The following PXDC1 variants were observed in gnomAD, a reference collection of about 807,000 sequenced individuals.
PXDC1 encodes PX domain containing 1.
Under a neutral mutation model 24.4 loss-of-function variants are expected in PXDC1, and 13 were observed. That is an observed-to-expected ratio of 0.53 (90% confidence interval 0.35 to 0.85). PXDC1 has a LOEUF of 0.85. Ranked by LOEUF, PXDC1 falls within the 40% of genes least tolerant of loss-of-function variation. PXDC1 has a pLI of 0.01. For synonymous variants in PXDC1, 162 were observed against 124.9 expected (o/e 1.30, Z -1.98); for missense variants, 344 against 309.3 (o/e 1.11, Z -0.84).
At chr6:3,750,373 G>A (rs1465705807) in intron 1 of PXDC1, among the ~76,000 whole-genome samples, 3 of 152,176 alleles carry the variant, frequency 2.0e-5, no homozygotes, top group East Asian at 1.9e-4. Flanking sequence ...CCATGGAGGG[G>A]GGTGGGACCT....
rs375808945 is a variant in PXDC1, at chr6:3,723,676, G to A, written c.639C>T (p.Tyr213=). 22 of 1,614,078 alleles carry A rather than the reference G, an allele frequency of 1.4e-5. No individual in the cohort carries two copies. The highest frequency in any genetic ancestry group is 3.3e-4 in the Middle Eastern group (2 of 6,084). The change falls in exon 5 of 5, where the codon TAC becomes TAT. Residue 213 remains tyrosine, a synonymous_variant. Transcript: ENST00000380283. ...ELEDGDDPAA[Y]VTNLSYYHLV... is the part of the protein sequence containing the mutation. Reference sequence around the variant, plus strand: ...GGTGGTAATATGACAGGTTGGTGACGTAGGCTGCTGGGTCGTCCCCGTCCT... The same window carrying A: ...GGTGGTAATATGACAGGTTGGTGACATAGGCTGCTGGGTCGTCCCCGTCCT...
rs557854747 is a variant in PXDC1, at chr6:3,725,159, C to T, written c.579-1423G>A. Among the ~76,000 whole-genome samples the T allele has an allele frequency of 6.6e-5, 10 of 152,112 alleles. No homozygotes were observed. Among genetic ancestry groups the T allele is most frequent in the Admixed American group, 1.3e-4 (2 of 15,286 alleles). ...TGGAAACCCAAGGGGGAACCTTGGG[C>T]GTGCCGAAAGGTTCAAGCCAGTCGA... On this transcript the variant is annotated intron_variant, in intron 4 of 4. Coordinates refer to ENST00000380283, the MANE Select transcript of PXDC1 (RefSeq NM_183373.4). The surrounding 1 kb of genome is among the most constrained non-coding windows in gnomAD (Gnocchi z 4.8).
At chr6:3,732,084 A>G (rs4959870) in intron 3 of PXDC1, among the ~76,000 whole-genome samples, 62,089 of 152,198 alleles carry the variant, frequency 0.41, 15,228 homozygotes, top group Non-Finnish European at 0.55. Context: ...GCATCTATCA[A>G]TCAATGGATC....
intron 1 of PXDC1, chr6:3,738,721 G>T: frequency 1.7e-6 from 2 of 1,211,748 alleles, no homozygotes; most frequent in East Asian, 5.7e-5. Context: ...CCAGGAATCT[G>T]GGCCTCTGTG....
intron 1 of PXDC1, chr6:3,738,663 A>G (rs1760383777): frequency 1.7e-6 from 1 of 582,686 alleles, no homozygotes; most frequent in Non-Finnish European, 2.7e-6. Flanking sequence ...GAAAAAAGTC[A>G]GATCTCTGCC....
chr6:3,723,584 G>C lies in PXDC1; in HGVS notation c.*35C>G. Reference sequence around the variant, plus strand: ...AGTGGACAGCATCAGAGCTGGCAGTGAACAGCTGAGGCGGGGGAGGCCTGA... The same window carrying C: ...AGTGGACAGCATCAGAGCTGGCAGTCAACAGCTGAGGCGGGGGAGGCCTGA... On this transcript the variant is annotated 3_prime_UTR_variant, in exon 5 of 5. Transcript: ENST00000380283. 6 of 1,491,952 alleles carry C rather than the reference G, an allele frequency of 4.0e-6. No individual in the cohort carries two copies. The highest frequency in any genetic ancestry group is 5.6e-6 in the Non-Finnish European group (6 of 1,069,608). The allele number at this position is 1,491,952 out of a possible 1,614,324, so 92.4% of individuals were successfully genotyped here.
At chr6:3,738,395 G>A (rs1760377058) in intron 1 of PXDC1, among the ~76,000 whole-genome samples, 1 of 152,160 alleles carries the variant, frequency 6.6e-6, no homozygotes, top group Non-Finnish European at 1.5e-5. Context: ...ATCTGAAAAG[G>A]GGATGGGAGG....
At chr6:3,734,366 A>G (rs1479055829) in intron 3 of PXDC1, among the ~76,000 whole-genome samples, 1 of 152,114 alleles carries the variant, frequency 6.6e-6, no homozygotes, top group African/African-American at 2.4e-5. Context: ...CACTAAGAGG[A>G]CTCTGCTGCT....
rs1209666889 is a variant in PXDC1 at position 3,737,059 on chromosome 6, G to A, written c.466+20C>T. 1.5e-5 allele frequency: 21 copies of A among 1,444,096 alleles called. No homozygotes were observed. The highest frequency in any genetic ancestry group is 5.7e-5 in the South Asian group (5 of 87,684). The allele number at this position is 1,444,096 out of a possible 1,614,324, so 89.5% of individuals were successfully genotyped here. On this transcript the variant is annotated intron_variant, in intron 3 of 4. Transcript: ENST00000380283. This position sits in a 1 kb window ranked among gnomAD's most constrained non-coding sequence, Gnocchi z 5.5. ...CTCAACAGCAGTCCCTCCCACCAAC[G>A]CCTCCTTTGTGGCTCTTACCTGATA...
At chr6:3,742,350 T>C (rs1390742143) in intron 1 of PXDC1, among the ~76,000 whole-genome samples, 2 of 152,342 alleles carry the variant, frequency 1.3e-5, no homozygotes, top group East Asian at 3.9e-4. Flanking sequence ...TGCACTTAAA[T>C]ACAGTAATTT....
At chr6:3,743,014 C>G (rs1760483012) in intron 1 of PXDC1, among the ~76,000 whole-genome samples, 1 of 152,234 alleles carries the variant, frequency 6.6e-6, no homozygotes. Flanking sequence ...GTACAAAAAT[C>G]TGACAGTGAG....
At position 3,737,206 on chromosome 6, in the gene PXDC1, A is replaced by T; in HGVS notation, c.349-10T>A. 6.4e-7 allele frequency: 1 copy of T among 1,566,938 alleles called. No individual in the cohort carries two copies. The highest frequency in any genetic ancestry group is 1.1e-5 in the South Asian group (1 of 90,098). ...CTTCCGATCTAGAATACTGGGGAGA[A>T]ATGCAGGGATTACTAAAAACGATCA... On this transcript the variant is annotated splice_polypyrimidine_tract_variant and intron_variant, in intron 2 of 4. Transcript: ENST00000380283. The surrounding 1 kb of genome is among the most constrained non-coding windows in gnomAD (Gnocchi z 5.5).
chr6:3,741,475 C>T (rs1287504178), intron 1 of PXDC1, among the ~76,000 whole-genome samples: 12 of 152,218 alleles, frequency 7.9e-5, no homozygotes, highest in Non-Finnish European at 1.2e-4. Flanking sequence ...TTCCCCATTC[C>T]GGCTCCCGGT....
intron 1 of PXDC1, chr6:3,750,987 G>T: frequency 2.5e-6 from 1 of 396,162 alleles, no homozygotes; most frequent in Non-Finnish European, 4.5e-6. Context: ...CCTCGGAAGT[G>T]ACTCGTCCTC....
intron 1 of PXDC1, among the ~76,000 whole-genome samples, chr6:3,750,484 C>T (rs1267838250): frequency 6.6e-6 from 1 of 152,122 alleles, no homozygotes; most frequent in African/African-American, 2.4e-5. Flanking sequence ...TTCTTCCCGT[C>T]TCAATTCCAG....
chr6:3,750,653 C>T (rs1187743532), intron 1 of PXDC1, among the ~76,000 whole-genome samples: 1 of 152,206 alleles, frequency 6.6e-6, no homozygotes, highest in East Asian at 1.9e-4. Context: ...GGCGGCGCAG[C>T]TGATCAAACG....
chr6:3,724,937 G>T lies in PXDC1; in HGVS notation c.579-1201C>A, dbSNP rs1306057593. Among the ~76,000 whole-genome samples the T allele has an allele frequency of 6.6e-6, 1 of 152,118 alleles. No homozygotes were observed. The highest frequency in any genetic ancestry group is 1.9e-4 in the East Asian group (1 of 5,180). On this transcript the variant is annotated intron_variant, in intron 4 of 4. Transcript: ENST00000380283. This position sits in a 1 kb window ranked among gnomAD's most constrained non-coding sequence, Gnocchi z 4.5. ...AGGAAGGCCTCCCCTCTGACTCCATGGCCAGGCCTGGAGTGTGGTGTCAGC... is the reference window on the plus strand; with the variant it reads ...AGGAAGGCCTCCCCTCTGACTCCATTGCCAGGCCTGGAGTGTGGTGTCAGC...
At chr6:3,731,280 T>C (rs982948550) in intron 3 of PXDC1, among the ~76,000 whole-genome samples, 9 of 152,238 alleles carry the variant, frequency 5.9e-5, no homozygotes, top group Admixed American at 2.0e-4. Context: ...ACAGCTATTA[T>C]GATCATTGTT....
In PXDC1 at chr6:3,736,933, G is replaced by A. The variant is rs143555310; in HGVS notation, c.466+146C>T. 1.4e-4 allele frequency: 96 copies of A among 685,504 alleles called. No individual in the cohort carries two copies. The East Asian group carries it at 2.4e-3, about 17-fold the overall frequency. The allele number at this position is 685,504 out of a possible 1,614,324, so 42.5% of individuals were successfully genotyped here. A position where few individuals can be genotyped will look rare whatever the true frequency, so the allele number is the denominator to read the frequency against. On this transcript the variant is annotated intron_variant, in intron 3 of 4. Transcript: ENST00000380283. ...CACTGCTTGGGAGAATCAGGCAACA[G>A]TCTCTCCCTGTACATTCGCATTTCT...
Sources: allele counts gnomAD v4.1 joint callset (sites outside exome capture counted in the v4.1 genomes callset), GRCh38; gene constraint gnomAD v4.1.1; non-coding constraint Gnocchi (gnomAD v3.1); transcripts MANE v1.5; gene names NCBI Gene and HGNC (gene_info 2026-07-23, HGNC 2026-07-21).